The following RHPN2 variants were observed in gnomAD, a reference collection of about 807,000 sequenced individuals.
RHPN2 encodes rhophilin Rho GTPase binding protein 2.
Under a neutral mutation model 79.0 loss-of-function variants are expected in RHPN2, and 40 were observed. The ratio of observed to expected loss-of-function variants is 0.51; its 90% confidence interval spans 0.39 to 0.66. RHPN2 has a LOEUF of 0.66. Ranked by LOEUF, RHPN2 falls within the 30% of genes least tolerant of loss-of-function variation. RHPN2 has a pLI of 0.00. For synonymous variants in RHPN2, 285 were observed against 363.5 expected, an observed-to-expected ratio of 0.78 and a Z score of 2.46; for missense variants, 686 against 883.5, an observed-to-expected ratio of 0.78 and a Z score of 2.83.
intron 7 of RHPN2, among the ~76,000 whole-genome samples, chr19:33,007,377 C>T (rs1327689358): frequency 1.3e-5 from 2 of 151,892 alleles, no homozygotes; most frequent in Non-Finnish European, 2.9e-5. Context: ...ATCCCAGCTA[C>T]TCAGGAGGCT....
chr19:33,002,695 G>C, intron 8 of RHPN2, 118 bp downstream of exon 8: 1 of 1,088,530 alleles, frequency 9.2e-7, no homozygotes, highest in Non-Finnish European at 1.4e-6. Context: ...ACTGGCCGGA[G>C]CTGGCACAAT....
chr19:33,052,818 C>G (rs775640419), intron 1 of RHPN2, among the ~76,000 whole-genome samples: 19 of 152,096 alleles, frequency 1.2e-4, no homozygotes, highest in Non-Finnish European at 2.2e-4. Context: ...CCGCCTCCCC[C>G]GGGAATCCCA....
At chr19:33,017,488 T>C (rs1186792422) in intron 4 of RHPN2, among the ~76,000 whole-genome samples, 2 of 152,124 alleles carry the variant, frequency 1.3e-5, no homozygotes, top group Non-Finnish European at 2.9e-5. Flanking sequence ...TGGATTGTTT[T>C]GAGTCCCACA....
At chr19:33,005,625 A>AAGAG (rs1177129683) in intron 7 of RHPN2, among the ~76,000 whole-genome samples, 1 of 148,758 alleles carries the variant, frequency 6.7e-6, no homozygotes, top group African/African-American at 2.5e-5. Flanking sequence ...AAAAAAAAAA[A>AAGAG]GCCCTGCCCT....
chr19:33,046,609 A>AATGATT (rs1972144915), intron 1 of RHPN2, among the ~76,000 whole-genome samples: 1 of 152,170 alleles, frequency 6.6e-6, no homozygotes, highest in Non-Finnish European at 1.5e-5. Context: ...TTGAGGAACT[A>AATGATT]TCAGGCTCTT....
intron 2 of RHPN2, among the ~76,000 whole-genome samples, chr19:33,039,118 A>G (rs1035596097): frequency 1.3e-5 from 2 of 152,142 alleles, no homozygotes; most frequent in African/African-American, 2.4e-5. Flanking sequence ...CGACCTTATT[A>G]GAGCAGCTTA....
At chr19:33,001,771 T>C (rs2146009252) in intron 9 of RHPN2, among the ~76,000 whole-genome samples, 1 of 152,102 alleles carries the variant, frequency 6.6e-6, no homozygotes, top group East Asian at 1.9e-4. Context: ...GCCCTGCTAA[T>C]TTTTGTATTT....
intron 9 of RHPN2, among the ~76,000 whole-genome samples, chr19:33,001,556 T>C (rs1162562596): frequency 5.9e-5 from 9 of 151,980 alleles, no homozygotes; most frequent in Admixed American, 5.9e-4. Context: ...AATAATAAAA[T>C]AAAATAAAAT....
At position 32,997,300 on chromosome 19, in the gene RHPN2, C is replaced by T. The variant is rs111673103; in HGVS notation, c.1226-1080G>A. ...GTGCTGGGCACTAGAGATAAAGCAACGAGTAAACAAACTGCCCCCACATTC... is the reference window on the plus strand; with the variant it reads ...GTGCTGGGCACTAGAGATAAAGCAATGAGTAAACAAACTGCCCCCACATTC... On this transcript the variant is annotated intron_variant, in intron 10 of 14. Coordinates refer to ENST00000254260, the MANE Select transcript of RHPN2 (RefSeq NM_033103.5). Among the ~76,000 whole-genome samples the T allele has an allele frequency of 4.5e-3, 689 of 152,232 alleles. 11 individuals carry two copies. The highest frequency in any genetic ancestry group is 0.013 in the African/African-American group (536 of 41,538).
chr19:33,062,474 A>G (rs550695280), intron 1 of RHPN2, among the ~76,000 whole-genome samples: 27 of 150,672 alleles, frequency 1.8e-4, no homozygotes, highest in South Asian at 1.1e-3. Flanking sequence ...GGGGAAAAAA[A>G]AAAAAACACC....
At chr19:33,039,657 G>A (rs1313739909) in intron 2 of RHPN2, among the ~76,000 whole-genome samples, 2 of 151,960 alleles carry the variant, frequency 1.3e-5, no homozygotes, top group African/African-American at 4.8e-5. Flanking sequence ...GGCCAACATG[G>A]CAAAACCTCG....
intron 14 of RHPN2, among the ~76,000 whole-genome samples, chr19:32,985,554 G>A (rs1971607687): frequency 6.6e-6 from 1 of 152,116 alleles, no homozygotes. Context: ...GGAGGATCAC[G>A]TAAGCCCAAG....
intron 14 of RHPN2, among the ~76,000 whole-genome samples, chr19:32,981,707 CT>C (rs34395682): frequency 0.29 from 35,685 of 123,218 alleles, 6,014 homozygotes; most frequent in African/African-American, 0.54. Flanking sequence ...TTTCTTTTTC[CT>C]TTTTTTTTTT....
chr19:33,008,507 C>T (rs1365858538), intron 6 of RHPN2, among the ~76,000 whole-genome samples: 5 of 151,774 alleles, frequency 3.3e-5, no homozygotes, highest in Admixed American at 2.0e-4. Flanking sequence ...CGGTGGCTCA[C>T]GCCTGTAATG....
In RHPN2 at chr19:32,990,518, G is replaced by A. The variant is rs762360968; in HGVS notation, c.1796C>T (p.Ser599Phe). 6.2e-7 allele frequency: 1 copy of A among 1,613,762 alleles called. No individual in the cohort carries two copies. Among genetic ancestry groups the A allele is most frequent in the East Asian group, 2.2e-5 (1 of 44,870 alleles). The change falls in exon 14 of 15, where the codon TCC becomes TTC. Residue 599 changes from serine to phenylalanine, a missense_variant. Transcript: ENST00000254260. Reference protein sequence around the residue: ...KVVSLLDSTSSMHNKSATYSV... With the variant: ...KVVSLLDSTSFMHNKSATYSV... ...CAGGGAGGTGTCAGCGCTCACCATG[G>A]ATGATGTGGAGTCCAGGAGGCTCAC... is the stretch of plus-strand genomic sequence containing the variant.
chr19:33,019,047 A>AT (rs201736797), intron 4 of RHPN2, among the ~76,000 whole-genome samples: 1 of 148,644 alleles, frequency 6.7e-6, no homozygotes, highest in Non-Finnish European at 1.5e-5. Flanking sequence ...AAAAAAAAAA[A>AT]GAAAGAAAGA....
intron 4 of RHPN2, among the ~76,000 whole-genome samples, chr19:33,013,607 C>T (rs916173100): frequency 1.3e-5 from 2 of 152,118 alleles, no homozygotes; most frequent in Non-Finnish European, 2.9e-5. Flanking sequence ...AATCCCAGCA[C>T]TTTGTGAAGA....
At chr19:33,009,864 C>T (rs1246170575) in intron 6 of RHPN2, among the ~76,000 whole-genome samples, 1 of 152,096 alleles carries the variant, frequency 6.6e-6, no homozygotes, top group Non-Finnish European at 1.5e-5. Context: ...CTGCAGCCTC[C>T]ACTTCCCGGA....
Position 33,023,777 on chromosome 19 carries a change from T to C in RHPN2, c.315-2131A>G, listed in dbSNP as rs1971944085. Among the ~76,000 whole-genome samples, 3 of 118,958 alleles carry C rather than the reference T, an allele frequency of 2.5e-5. No individual in the cohort carries two copies. In the South Asian group the frequency reaches 8.1e-4, roughly 32 times the overall value. 78.0% of individuals were successfully genotyped at this position (118,958 alleles called of 152,430 possible). A position where few individuals can be genotyped will look rare whatever the true frequency, so the allele number is the denominator to read the frequency against. On this transcript the variant is annotated intron_variant, in intron 3 of 14. Transcript: ENST00000254260. Reference sequence around the variant, plus strand: ...TCCAGCCTGGGCGACACAGTGAGACTCCATCTCAAAAAAAAAAAAAAAGAA... The same window carrying C: ...TCCAGCCTGGGCGACACAGTGAGACCCCATCTCAAAAAAAAAAAAAAAGAA...
Sources: allele counts gnomAD v4.1 joint callset (sites outside exome capture counted in the v4.1 genomes callset), GRCh38; gene constraint gnomAD v4.1.1; transcripts MANE v1.5; gene names NCBI Gene and HGNC (gene_info 2026-07-23, HGNC 2026-07-21).